ANKRD11: variants seen among roughly 807,000 people sequenced by gnomAD.
ANKRD11 encodes the protein ankyrin repeat domain-containing protein 11.
A neutral mutation model predicts 195.7 loss-of-function variants in ANKRD11; 17 were observed. The observed-to-expected ratio is 0.09, with a 90% CI of 0.06 to 0.13. The LOEUF is 0.13. Ranked by LOEUF, ANKRD11 falls within the 10% of genes least tolerant of loss-of-function variation. The probability of loss-of-function intolerance (pLI) is 1.00; values close to 1 mark genes in which losing one functional copy is unlikely to be tolerated. For missense variants in ANKRD11, 3,735 were observed against 3,566.1 expected (o/e 1.05, Z -1.21); for synonymous variants, 1,953 against 1,528.1 (o/e 1.28, Z -6.49).
At position 89,452,150 on chromosome 16, in the gene ANKRD11, C is replaced by T. The variant is rs141996322; in HGVS notation, c.-144-33782G>A. 8.0e-3 allele frequency among the ~76,000 whole-genome samples: 1,224 copies of T among 152,104 alleles called. 14 individuals carry two copies. Among genetic ancestry groups the T allele is most frequent in the African/African-American group, 0.027 (1,137 of 41,472 alleles). On this transcript the variant is annotated intron_variant, in intron 1 of 12. Transcript: ENST00000301030. ...GCACACGCCTATAATCCCAGCTACT[C>T]GGGAGGCTGCAGCAGGAGAATCGCT...
At chr16:89,307,539 A>C (rs1567618781) in intron 3 of ANKRD11, among the ~76,000 whole-genome samples, 1 of 152,112 alleles carries the variant, frequency 6.6e-6, no homozygotes, top group Non-Finnish European at 1.5e-5. Flanking sequence ...GTCTCTGGGG[A>C]GACGGGGCCT....
intron 1 of ANKRD11, among the ~76,000 whole-genome samples, chr16:89,434,040 C>A (rs192234321): frequency 3.2e-4 from 49 of 152,294 alleles, no homozygotes; most frequent in African/African-American, 1.1e-3. Context: ...TAGTGTGTCA[C>A]CTACAGAGAA....
At chr16:89,419,565 T>C (rs2042431320) in intron 1 of ANKRD11, among the ~76,000 whole-genome samples, 1 of 151,860 alleles carries the variant, frequency 6.6e-6, no homozygotes, top group Non-Finnish European at 1.5e-5. Flanking sequence ...TCTATACCCA[T>C]GTTACTTCAG....
intron 1 of ANKRD11, among the ~76,000 whole-genome samples, chr16:89,432,236 TACACACAC>T (rs59807718): frequency 0.04 from 5,677 of 142,880 alleles, 115 homozygotes; most frequent in Middle Eastern, 0.086. Context: ...CGTGATGCAG[TACACACAC>T]ACACACACAC....
rs769640583 is a variant in ANKRD11 at position 89,284,548 on chromosome 16, T to C, written c.1994A>G (p.Lys665Arg). ...KSFTYEYEDS[K>R]QKSDKAILLE... ...CAGTATAGCCTTATCTGACTTCTGC[T>C]TGGAGTCCTCATATTCGTAAGTAAA... Residue 665 changes from lysine (K) to arginine (R), a missense_variant, in exon 9 of 13, where the codon AAG (lysine) becomes AGG (arginine). Lys to Arg is a conservative substitution (Grantham distance 26). Transcript: ENST00000301030. The C allele has an allele frequency of 1.1e-5, 17 of 1,614,076 alleles. No individual in the cohort carries two copies. Among genetic ancestry groups the C allele is most frequent in the Middle Eastern group, 1.6e-4 (1 of 6,084 alleles).
intron 2 of ANKRD11, among the ~76,000 whole-genome samples, chr16:89,416,865 C>T (rs1329732534): frequency 6.6e-6 from 1 of 152,128 alleles, no homozygotes; most frequent in Non-Finnish European, 1.5e-5. Flanking sequence ...AGGCACAGCT[C>T]AGACCCTGGG....
rs928913236 is a variant in ANKRD11 at position 89,284,046 on chromosome 16, G to C, written c.2496C>G (p.Ser832Arg). ...QFLENEDTKF[S>R]LSDDQRDRWF... ...ACCGATCTCGCTGATCGTCAGAAAG[G>C]CTAAATTTGGTGTCTTCATTCTCCA... The change falls in exon 9 of 13, where the codon AGC becomes AGG. Residue 832 changes from serine to arginine, a missense_variant. Physicochemically the swap from Ser to Arg is moderately radical, Grantham distance 110. Coordinates refer to ENST00000301030, the MANE Select transcript of ANKRD11 (RefSeq NM_013275.6). 20 of 1,613,968 alleles carry C rather than the reference G, an allele frequency of 1.2e-5. No homozygotes were observed. Among genetic ancestry groups the C allele is most frequent in the Non-Finnish European group, 1.5e-5 (18 of 1,180,014 alleles).
At chr16:89,376,676 C>T (rs1449941719) in intron 2 of ANKRD11, among the ~76,000 whole-genome samples, 2 of 152,134 alleles carry the variant, frequency 1.3e-5, no homozygotes, top group African/African-American at 4.8e-5. Flanking sequence ...TGACCTCAAG[C>T]GATCCACCCA....
intron 1 of ANKRD11, among the ~76,000 whole-genome samples, chr16:89,426,436 C>T (rs2152255924): frequency 6.6e-6 from 1 of 152,118 alleles, no homozygotes; most frequent in East Asian, 1.9e-4. Context: ...GCCGAGTTCA[C>T]AAGCTCCCTG....
intron 2 of ANKRD11, among the ~76,000 whole-genome samples, chr16:89,356,258 C>T (rs1297500608): frequency 3.3e-5 from 5 of 151,584 alleles, no homozygotes; most frequent in African/African-American, 7.3e-5. Flanking sequence ...ACTTTCAGGA[C>T]GTCCAAAGGA....
At chr16:89,346,235 G>A (rs1452088411) in intron 2 of ANKRD11, among the ~76,000 whole-genome samples, 1 of 138,322 alleles carries the variant, frequency 7.2e-6, no homozygotes, top group Admixed American at 7.6e-5. Context: ...GCGACAGAGG[G>A]AGACCCCGTC....
At chr16:89,359,886 C>T (rs576777114) in intron 2 of ANKRD11, among the ~76,000 whole-genome samples, 1 of 151,992 alleles carries the variant, frequency 6.6e-6, no homozygotes, top group African/African-American at 2.4e-5. Flanking sequence ...ATCAGCATCA[C>T]ATAGTTTATA....
At chr16:89,305,478 G>A in intron 3 of ANKRD11, 134 bp from the exon 4 acceptor site, 1 of 1,262,334 alleles carries the variant, frequency 7.9e-7, no homozygotes, top group Non-Finnish European at 1.1e-6. Flanking sequence ...CCCAGGGCGT[G>A]GCTGTGTGAG....
At position 89,451,428 on chromosome 16, in the gene ANKRD11, T is replaced by TTTA. The variant is rs1344282878; in HGVS notation, c.-144-33061_-144-33060insTAA. On this transcript the variant is annotated intron_variant, in intron 1 of 12. Transcript: ENST00000301030. ...ACAAATTACTTTTTTTTTTTTTTTT[T>TTTA]TGAGACGAAGCCTCACTCTGAGGCC... Among the ~76,000 whole-genome samples, 7 of 151,158 alleles carry TTTA rather than the reference T, an allele frequency of 4.6e-5. No individual in the cohort carries two copies. The East Asian group carries it at 1.4e-3, about 29-fold the overall frequency.
chr16:89,268,693 A>G (rs2032848954), intron 12 of ANKRD11, 30 bp from the exon 13 acceptor site: 1 of 1,563,658 alleles, frequency 6.4e-7, no homozygotes, highest in Non-Finnish European at 8.7e-7. Context: ...GAGAGGAGGG[A>G]GGAGGAGTGA....
intron 4 of ANKRD11, among the ~76,000 whole-genome samples, chr16:89,302,754 G>C (rs2035935671): frequency 6.6e-6 from 1 of 152,154 alleles, no homozygotes; most frequent in South Asian, 2.1e-4. Flanking sequence ...TACAATCCTT[G>C]CCTGGAAAAT....
chr16:89,461,378 T>A (rs2056663356), intron 1 of ANKRD11, among the ~76,000 whole-genome samples: 1 of 151,962 alleles, frequency 6.6e-6, no homozygotes, highest in African/African-American at 2.4e-5. Flanking sequence ...ACCGTGTGAA[T>A]CTAATACCAG....
At chr16:89,350,157 C>T (rs1206903634) in intron 2 of ANKRD11, among the ~76,000 whole-genome samples, 1 of 152,096 alleles carries the variant, frequency 6.6e-6, no homozygotes, top group Non-Finnish European at 1.5e-5. Context: ...ACTAGAATGG[C>T]TAAAATGGAA....
At chr16:89,394,992 G>A (rs1439872268) in intron 2 of ANKRD11, among the ~76,000 whole-genome samples, 1 of 152,180 alleles carries the variant, frequency 6.6e-6, no homozygotes, top group Non-Finnish European at 1.5e-5. Flanking sequence ...CTCCAAACCA[G>A]CAAATACATC....
Sources: gnomAD v4.1 joint callset for allele counts (sites outside exome capture counted in the v4.1 genomes callset) on GRCh38, gnomAD v4.1.1 for gene constraint, MANE v1.5 for transcripts, NCBI Gene and HGNC (gene_info 2026-07-23, HGNC 2026-07-21) for gene names.